AGAP1: variants seen among roughly 807,000 people sequenced by gnomAD.
AGAP1 encodes arf-GAP with GTPase, ANK repeat and PH domain-containing protein 1.
AGAP1 carries 29 observed loss-of-function variants against 105.3 expected under a neutral mutation model. The ratio of observed to expected loss-of-function variants is 0.28; its 90% CI spans 0.21 to 0.38. The LOEUF (loss-of-function observed/expected upper bound fraction) is 0.38. Among genes scored for constraint, AGAP1 ranks in the 10% least tolerant of loss-of-function variants. The pLI, the probability that AGAP1 is intolerant of heterozygous loss-of-function variation, is 1.00. For synonymous variants in AGAP1, 509 were observed against 485.9 expected, an observed-to-expected ratio of 1.05 and a Z score of -0.63; for missense variants, 998 against 1,165.1, an observed-to-expected ratio of 0.86 and a Z score of 2.09.
chr2:235,882,541 C>T lies in AGAP1; in HGVS notation c.1051-804C>T, dbSNP rs897197928. 7 of 970,618 alleles carry T rather than the reference C, an allele frequency of 7.2e-6. No individual in the cohort carries two copies. The highest frequency in any genetic ancestry group is 6.6e-5 in the African/African-American group (4 of 61,052). 60.1% of individuals were successfully genotyped at this position (970,618 alleles called of 1,614,324 possible). A position where few individuals can be genotyped will look rare whatever the true frequency, so the allele number is the denominator to read the frequency against. ...TCCGTGGCGGGCTCTTAGCTCACTGCAACACTCTGCCTCCTGGGTTCAAGC... is the reference window on the plus strand; with the variant it reads ...TCCGTGGCGGGCTCTTAGCTCACTGTAACACTCTGCCTCCTGGGTTCAAGC... On this transcript the variant is annotated intron_variant, in intron 9 of 17. Coordinates refer to ENST00000304032, the MANE Select transcript of AGAP1 (RefSeq NM_001037131.3). This position sits in a 1 kb window ranked among gnomAD's most constrained non-coding sequence, Gnocchi z 4.6.
At chr2:235,898,475 C>G (rs1234942045) in intron 10 of AGAP1, among the ~76,000 whole-genome samples, 1 of 124,678 alleles carries the variant, frequency 8.0e-6, no homozygotes, top group African/African-American at 3.3e-5. Context: ...GACAGGTTCC[C>G]CCCCCCACCC....
At chr2:235,984,232 C>A (rs1038390563) in intron 13 of AGAP1, among the ~76,000 whole-genome samples, 5 of 152,176 alleles carry the variant, frequency 3.3e-5, no homozygotes, top group Admixed American at 6.5e-5. Context: ...TGTGTCTGTA[C>A]ACCATTCTTT....
rs377065372 is a variant in AGAP1 at position 236,011,920 on chromosome 2, C to A, written c.1646-24641C>A. ...CATTTGGCACAGTGTCTCCGTAGCC[C>A]CTCAAAGTGATTCCAGGCAGCAGCA... is the stretch of plus-strand genomic sequence containing the variant. On this transcript the variant is annotated intron_variant, in intron 13 of 17. Coordinates refer to ENST00000304032, the MANE Select transcript of AGAP1 (RefSeq NM_001037131.3). Among the ~76,000 whole-genome samples the A allele has an allele frequency of 1.6e-4, 25 of 151,994 alleles. 1 individual carries two copies. The South Asian group carries it at 4.0e-3, about 24-fold the overall frequency.
rs886556264 is a variant in AGAP1 at position 235,993,819 on chromosome 2, C to T, written c.1645+25196C>T. 6.6e-6 allele frequency among the ~76,000 whole-genome samples: 1 copy of T among 152,148 alleles called. No homozygotes were observed. The highest frequency in any genetic ancestry group is 2.4e-5 in the African/African-American group (1 of 41,414). On this transcript the variant is annotated intron_variant, in intron 13 of 17. Coordinates refer to ENST00000304032, the MANE Select transcript of AGAP1 (RefSeq NM_001037131.3). This position sits in a 1 kb window ranked among gnomAD's most constrained non-coding sequence, Gnocchi z 5.0. ...CCTGGGGAGCACAGGTGTGTCCTCA[C>T]GTGCGCTTGGAGAAAGTGGAGTTTT...
intron 1 of AGAP1, among the ~76,000 whole-genome samples, chr2:235,683,033 C>T (rs1002860050): frequency 6.6e-6 from 1 of 152,028 alleles, no homozygotes; most frequent in Non-Finnish European, 1.5e-5. Context: ...AGGGCCGGTG[C>T]GGTGGCTTAA....
Position 235,855,560 on chromosome 2 carries a change from T to C in AGAP1, c.1051-27785T>C, listed in dbSNP as rs576636481. On this transcript the variant is annotated intron_variant, in intron 9 of 17. Coordinates refer to ENST00000304032, the MANE Select transcript of AGAP1 (RefSeq NM_001037131.3). The surrounding 1 kb of genome is among the most constrained non-coding windows in gnomAD (Gnocchi z 5.0). ...ATTTAAAATCGAGCAATTTCTGCTT[T>C]AAATATAGGGTATCATTCTTTCCTT... Among the ~76,000 whole-genome samples the C allele has an allele frequency of 6.6e-6, 1 of 152,364 alleles. No homozygotes were observed. Among genetic ancestry groups the C allele is most frequent in the African/African-American group, 2.4e-5 (1 of 41,592 alleles).
rs117274620 is a variant in AGAP1, at chr2:236,015,654, G to A, written c.1646-20907G>A. Among the ~76,000 whole-genome samples, 986 of 152,186 alleles carry A rather than the reference G, an allele frequency of 6.5e-3. 14 individuals are homozygous for A. Among genetic ancestry groups the A allele is most frequent in the East Asian group, 0.033 (172 of 5,176 alleles). ...CAGCCCAAGCGCACATAAGGGAGGC[G>A]GGGGCATCGGGCGTGTGATGCAAAG... On this transcript the variant is annotated intron_variant, in intron 13 of 17. Transcript: ENST00000304032.
At chr2:235,542,244 C>G (rs753677210) in intron 1 of AGAP1, among the ~76,000 whole-genome samples, 2 of 152,128 alleles carry the variant, frequency 1.3e-5, no homozygotes, top group Admixed American at 6.6e-5. Flanking sequence ...TCAGAGAGCC[C>G]GGAGTTAGGT....
At chr2:236,106,606 C>A (rs191154285) in intron 16 of AGAP1, among the ~76,000 whole-genome samples, 1 of 152,328 alleles carries the variant, frequency 6.6e-6, no homozygotes, top group Non-Finnish European at 1.5e-5. Context: ...TCACGTAAGC[C>A]AATTCTTTCA....
chr2:235,788,193 A>G lies in AGAP1; in HGVS notation c.674-9566A>G, dbSNP rs998154688. Among the ~76,000 whole-genome samples, 2 of 152,180 alleles carry G rather than the reference A, an allele frequency of 1.3e-5. No homozygotes were observed. The highest frequency in any genetic ancestry group is 4.8e-5 in the African/African-American group (2 of 41,420). On this transcript the variant is annotated intron_variant, in intron 6 of 17. Transcript: ENST00000304032. This position sits in a 1 kb window ranked among gnomAD's most constrained non-coding sequence, Gnocchi z 6.0. ...CAAGTGCACAGAGAAGCAGAGTGCCATACTGGGACCCTACGGTACAGCCAG... is the reference window on the plus strand; with the variant it reads ...CAAGTGCACAGAGAAGCAGAGTGCCGTACTGGGACCCTACGGTACAGCCAG...
intron 11 of AGAP1, among the ~76,000 whole-genome samples, chr2:235,914,480 A>G (rs1296762141): frequency 1.3e-5 from 2 of 152,138 alleles, no homozygotes; most frequent in Non-Finnish European, 2.9e-5. Context: ...ATATGGGGCA[A>G]TTGAATAGAA....
At position 235,744,611 on chromosome 2, in the gene AGAP1, C is replaced by G. The variant is rs924630714; in HGVS notation, c.397-87C>G. 1.9e-6 allele frequency: 3 copies of G among 1,543,494 alleles called. No individual in the cohort carries two copies. In the African/African-American group the frequency reaches 4.1e-5, roughly 21 times the overall value. On this transcript the variant is annotated intron_variant, in intron 4 of 17. Transcript: ENST00000304032. This position sits in a 1 kb window ranked among gnomAD's most constrained non-coding sequence, Gnocchi z 5.2. Reference sequence around the variant, plus strand: ...TGACCGAGGGGATTCCTGCAGCCCCCTGCTGCCTGCCGCCATGCAGACATC... The same window carrying G: ...TGACCGAGGGGATTCCTGCAGCCCCGTGCTGCCTGCCGCCATGCAGACATC...
At chr2:235,914,185 C>A (rs181785205) in intron 11 of AGAP1, among the ~76,000 whole-genome samples, 6 of 152,258 alleles carry the variant, frequency 3.9e-5, no homozygotes, top group African/African-American at 1.4e-4. Flanking sequence ...TCTGTTGATT[C>A]TCTAGCACAC....
At chr2:235,575,894 G>T (rs946921000) in intron 1 of AGAP1, among the ~76,000 whole-genome samples, 1 of 152,186 alleles carries the variant, frequency 6.6e-6, no homozygotes, top group African/African-American at 2.4e-5. Flanking sequence ...GTCGACATCA[G>T]ATAAGACATT....
At chr2:235,898,214 G>A (rs537641351) in intron 10 of AGAP1, among the ~76,000 whole-genome samples, 2 of 152,352 alleles carry the variant, frequency 1.3e-5, no homozygotes, top group East Asian at 1.9e-4. Context: ...TAAAATTAGT[G>A]TAGCTTCCCA....
intron 13 of AGAP1, among the ~76,000 whole-genome samples, chr2:236,010,242 G>A (rs192838856): frequency 6.6e-6 from 1 of 152,270 alleles, no homozygotes; most frequent in Admixed American, 6.5e-5. Flanking sequence ...ATAGGGAGAG[G>A]TGTAATAATT....
Position 235,901,108 on chromosome 2 carries a change from T to C in AGAP1, c.1156-7630T>C, listed in dbSNP as rs1403007628. 2.0e-5 allele frequency among the ~76,000 whole-genome samples: 3 copies of C among 152,254 alleles called. No individual in the cohort carries two copies. The South Asian group carries it at 6.2e-4, about 31-fold the overall frequency. On this transcript the variant is annotated intron_variant, in intron 10 of 17. Transcript: ENST00000304032. This position sits in a 1 kb window ranked among gnomAD's most constrained non-coding sequence, Gnocchi z 4.3. The stretch of plus-strand genomic sequence containing the variant: ...TAGGAGCATGACTTTGGTCTGCACC[T>C]GTGACTACGTACAAGGCCATTGTTT...
chr2:235,614,736 T>C lies in AGAP1; in HGVS notation c.164-94443T>C, dbSNP rs1449830894. ...GAAGATACGAGACTGGCTAACTCAG[T>C]ATTCACCGTGAATTCTTTTGTGGGA... is the stretch of plus-strand genomic sequence containing the variant. On this transcript the variant is annotated intron_variant, in intron 1 of 17. Coordinates refer to ENST00000304032, the MANE Select transcript of AGAP1 (RefSeq NM_001037131.3). This position sits in a 1 kb window ranked among gnomAD's most constrained non-coding sequence, Gnocchi z 4.7. Among the ~76,000 whole-genome samples the C allele has an allele frequency of 6.6e-6, 1 of 152,218 alleles. No homozygotes were observed. The highest frequency in any genetic ancestry group is 1.5e-5 in the Non-Finnish European group (1 of 68,040).
rs755582262 is a variant in AGAP1, at chr2:235,615,394, T to C, written c.164-93785T>C. 6.6e-6 allele frequency among the ~76,000 whole-genome samples: 1 copy of C among 152,236 alleles called. No individual in the cohort carries two copies. The highest frequency in any genetic ancestry group is 1.5e-5 in the Non-Finnish European group (1 of 68,032). On this transcript the variant is annotated intron_variant, in intron 1 of 17. Coordinates refer to ENST00000304032, the MANE Select transcript of AGAP1 (RefSeq NM_001037131.3). The surrounding 1 kb of genome is among the most constrained non-coding windows in gnomAD (Gnocchi z 5.0). ...TGGAGTGATCTCATATGACCAAAAG[T>C]TGGAATGATCCCATTCTTTACTCAC...
Sources: allele counts gnomAD v4.1 joint callset (sites outside exome capture counted in the v4.1 genomes callset), GRCh38; gene constraint gnomAD v4.1.1; non-coding constraint Gnocchi (gnomAD v3.1); transcripts MANE v1.5; gene names NCBI Gene and HGNC (gene_info 2026-07-23, HGNC 2026-07-21).